The following SENP5 variants were observed in gnomAD, a reference collection of about 807,000 sequenced individuals.
The protein encoded by SENP5 is SUMO specific peptidase 5, also known as sentrin-specific protease 5.
A neutral mutation model predicts 74.2 loss-of-function variants in SENP5; 21 were observed. That is an observed-to-expected ratio of 0.28 (90% confidence interval 0.20 to 0.41). The LOEUF (loss-of-function observed/expected upper bound fraction) is 0.41. Ranked by LOEUF, SENP5 falls within the 10% of genes least tolerant of loss-of-function variation. SENP5 has a pLI of 1.00. For missense variants in SENP5, 717 were observed against 889.1 expected (o/e 0.81, Z 2.46); for synonymous variants, 311 against 312.7 (o/e 0.99, Z 0.06).
chr3:196,882,372 T>A (rs1713764944), intron 1 of SENP5, among the ~76,000 whole-genome samples: 1 of 152,194 alleles, frequency 6.6e-6, no homozygotes, highest in Non-Finnish European at 1.5e-5. Context: ...CTGTACCCAT[T>A]AAGCAATAAC....
At chr3:196,872,676 A>G (rs1464484677) in intron 1 of SENP5, among the ~76,000 whole-genome samples, 2 of 152,164 alleles carry the variant, frequency 1.3e-5, no homozygotes, top group African/African-American at 4.8e-5. Context: ...CCAGTGTGGT[A>G]GCCACTAGCC....
At chr3:196,898,396 G>T (rs1714540680) in intron 2 of SENP5, among the ~76,000 whole-genome samples, 1 of 150,964 alleles carries the variant, frequency 6.6e-6, no homozygotes, top group Non-Finnish European at 1.5e-5. Context: ...AGAAGTTCAA[G>T]ACCAGCCTGA....
chr3:196,917,038 G>A (rs547941271), intron 6 of SENP5, among the ~76,000 whole-genome samples: 1 of 152,020 alleles, frequency 6.6e-6, no homozygotes, highest in Non-Finnish European at 1.5e-5. Context: ...GAACGCTGAA[G>A]CACAAGAATC....
intron 6 of SENP5, among the ~76,000 whole-genome samples, chr3:196,916,602 A>G (rs1045202559): frequency 6.7e-6 from 1 of 149,856 alleles, no homozygotes; most frequent in Non-Finnish European, 1.5e-5. Flanking sequence ...ATCTCAGCTC[A>G]CTGCAACCTC....
chr3:196,929,987 T>TAA (rs76093991), intron 9 of SENP5, among the ~76,000 whole-genome samples: 52 of 136,654 alleles, frequency 3.8e-4, no homozygotes, highest in Admixed American at 1.4e-3. Flanking sequence ...GGCATTTGCA[T>TAA]AAAAAAAAAA....
chr3:196,887,773 T>G (rs1170609047), intron 2 of SENP5, among the ~76,000 whole-genome samples: 3 of 152,058 alleles, frequency 2.0e-5, no homozygotes, highest in Non-Finnish European at 4.4e-5. Context: ...TCTTTTTTTA[T>G]TTTTTATTTT....
Position 196,886,642 on chromosome 3 carries a change from C to G in SENP5, c.1461C>G (p.Asn487Lys). The change falls in exon 2 of 10, where the codon AAC becomes AAG. Residue 487 changes from asparagine (N) to lysine (K), a missense_variant. Physicochemically the swap from Asn to Lys is moderately conservative, Grantham distance 94. Coordinates refer to ENST00000323460, the MANE Select transcript of SENP5 (RefSeq NM_152699.5). ...KLENQVGGGKNSQKASPVDDE... is the reference protein window; with the variant it reads ...KLENQVGGGKKSQKASPVDDE... ...AAAATCAAGTAGGAGGTGGAAAGAA[C>G]AGTCAGAAAGCCTCTCCAGTGGATG... 1 of 1,604,252 alleles carries G rather than the reference C, an allele frequency of 6.2e-7. No homozygotes were observed. The highest frequency in any genetic ancestry group is 1.7e-5 in the Admixed American group (1 of 58,268).
rs1713984825 is a variant in SENP5, at chr3:196,886,542, G to T, written c.1361G>T (p.Ser454Ile). 1.9e-6 allele frequency: 3 copies of T among 1,613,854 alleles called. No homozygotes were observed. The highest frequency in any genetic ancestry group is 2.5e-6 in the Non-Finnish European group (3 of 1,179,846). ...EDGSLKQSILSSELLDHPYCK... is the reference protein window; with the variant it reads ...EDGSLKQSILISELLDHPYCK... ...GGATCTCTCAAGCAGAGCATTCTTA[G>T]TTCTGAGTTGCTGGACCACCCTTAC... The change falls in exon 2 of 10, where the codon AGT becomes ATT. Residue 454 changes from serine to isoleucine, a missense_variant. Coordinates refer to ENST00000323460, the MANE Select transcript of SENP5 (RefSeq NM_152699.5).
chr3:196,879,931 C>T (rs1028683705), intron 1 of SENP5, among the ~76,000 whole-genome samples: 4 of 152,006 alleles, frequency 2.6e-5, no homozygotes, highest in Admixed American at 1.3e-4. Flanking sequence ...AGCTTTGCTC[C>T]GAAGTTTTGT....
intron 6 of SENP5, among the ~76,000 whole-genome samples, chr3:196,918,304 C>CA (rs34835074): frequency 0.5 from 62,588 of 125,326 alleles, 14,390 homozygotes; most frequent in African/African-American, 0.55. Flanking sequence ...GAGACTCTGT[C>CA]AAAAAAAAAA....
chr3:196,900,542 TCTTGATCATGTACTGGG>T lies in SENP5; in HGVS notation c.1806+138_1806+154del. ...TTTTTAAAAGAAGAGTTCAATTTTTTCTTGATCATGTACTGGGCTTGATCGTAAGTTCCATCAAATCA... is the reference window on the plus strand; with the variant it reads ...TTTTTAAAAGAAGAGTTCAATTTTTTCTTGATCGTAAGTTCCATCAAATCA... On this transcript the variant is annotated intron_variant, in intron 5 of 9. Transcript: ENST00000323460. The T allele has an allele frequency of 7.6e-6, 5 of 662,102 alleles. 1 individual carries two copies. In the South Asian group the frequency reaches 1.2e-4, roughly 15 times the overall value. 41.0% of individuals were successfully genotyped at this position (662,102 alleles called of 1,614,324 possible). A position where few individuals can be genotyped will look rare whatever the true frequency, so the allele number is the denominator to read the frequency against.
intron 1 of SENP5, among the ~76,000 whole-genome samples, chr3:196,884,126 GAGC>G (rs1354759575): frequency 6.6e-6 from 1 of 152,196 alleles, no homozygotes. Flanking sequence ...ATTTTTAAAA[GAGC>G]AGGTACTTTT....
intron 6 of SENP5, among the ~76,000 whole-genome samples, chr3:196,904,791 A>G (rs972936539): frequency 1.3e-5 from 2 of 152,150 alleles, no homozygotes; most frequent in African/African-American, 4.8e-5. Flanking sequence ...TCCATGTCAA[A>G]AGAAAATTAA....
chr3:196,891,840 G>A (rs1208823837), intron 2 of SENP5, among the ~76,000 whole-genome samples: 2 of 152,180 alleles, frequency 1.3e-5, no homozygotes, highest in Non-Finnish European at 2.9e-5. Flanking sequence ...TCCCAGGCTG[G>A]AGTGCAGTGG....
intron 7 of SENP5, among the ~76,000 whole-genome samples, chr3:196,924,013 G>GT (rs1410228494): frequency 6.6e-6 from 1 of 152,126 alleles, no homozygotes; most frequent in African/African-American, 2.4e-5. Flanking sequence ...GTAAGAAAAT[G>GT]TAACTGGGAA....
At chr3:196,882,477 A>G (rs1713768149) in intron 1 of SENP5, among the ~76,000 whole-genome samples, 2 of 151,988 alleles carry the variant, frequency 1.3e-5, no homozygotes, top group Non-Finnish European at 2.9e-5. Flanking sequence ...ATCCCTAGAC[A>G]TCTGGTGATT....
chr3:196,869,844 C>T (rs1236898680), intron 1 of SENP5, among the ~76,000 whole-genome samples: 2 of 131,436 alleles, frequency 1.5e-5, no homozygotes, highest in South Asian at 2.3e-4. Context: ...CTAAATCAGC[C>T]TTTTTTTTTT....
intron 6 of SENP5, among the ~76,000 whole-genome samples, chr3:196,922,802 T>G (rs1402087486): frequency 2.0e-5 from 3 of 152,130 alleles, no homozygotes; most frequent in African/African-American, 7.2e-5. Flanking sequence ...TTGTATTTTT[T>G]TGTAGATACA....
intron 2 of SENP5, among the ~76,000 whole-genome samples, chr3:196,888,397 A>G (rs1321703971): frequency 1.3e-5 from 2 of 152,026 alleles, no homozygotes; most frequent in Admixed American, 6.6e-5. Context: ...AGGCTGATCA[A>G]CATGGTGAAA....
Sources: gnomAD v4.1 joint callset for allele counts (sites outside exome capture counted in the v4.1 genomes callset) on GRCh38, gnomAD v4.1.1 for gene constraint, MANE v1.5 for transcripts, NCBI Gene and HGNC (gene_info 2026-07-23, HGNC 2026-07-21) for gene names.